NHERF1: variants seen among roughly 807,000 people sequenced by gnomAD.
NHERF1 encodes NHERF family PDZ scaffold protein 1.
chr17:74,749,011 G>C, the NHERF1 span: 10 of 1,608,928 alleles, frequency 6.2e-6, no homozygotes, highest in African/African-American at 1.2e-4. The surrounding 1 kb of genome is among the most constrained non-coding windows in gnomAD (Gnocchi z 5.6). Context: ...GGCTGCTGGC[G>C]GGGGACCGGC....
the NHERF1 span, chr17:74,762,283 C>A: frequency 3.3e-6 from 2 of 615,214 alleles, no homozygotes; most frequent in Non-Finnish European, 5.6e-6. This position sits in a 1 kb window ranked among gnomAD's most constrained non-coding sequence, Gnocchi z 4.2. Flanking sequence ...CGGGCATAGC[C>A]AACCTGGAGC....
At chr17:74,748,663 T>C in the NHERF1 span, 1 of 588,918 alleles carries the variant, frequency 1.7e-6, no homozygotes, top group Non-Finnish European at 3.0e-6. The surrounding 1 kb of genome is among the most constrained non-coding windows in gnomAD (Gnocchi z 4.3). Flanking sequence ...TCTGTGGTCC[T>C]CTCTCGGCTC....
At chr17:74,766,241 G>A in the NHERF1 span, among the ~76,000 whole-genome samples, 7 of 152,142 alleles carry the variant, frequency 4.6e-5, no homozygotes, top group African/African-American at 1.4e-4. Flanking sequence ...GTGTTGCCCA[G>A]GCTGGAGTGT....
chr17:74,759,257 C>T, the NHERF1 span, among the ~76,000 whole-genome samples: 3 of 152,230 alleles, frequency 2.0e-5, no homozygotes, highest in Non-Finnish European at 4.4e-5. Flanking sequence ...GGTCCCAGTG[C>T]AGGGGAAGGA....
chr17:74,762,139 C>T, the NHERF1 span: 1 of 1,614,160 alleles, frequency 6.2e-7, no homozygotes, highest in South Asian at 1.1e-5. This position sits in a 1 kb window ranked among gnomAD's most constrained non-coding sequence, Gnocchi z 4.2. Context: ...CCGGCTGAGG[C>T]TTCAGGGCTC....
At chr17:74,751,949 G>C in the NHERF1 span, among the ~76,000 whole-genome samples, 1 of 152,228 alleles carries the variant, frequency 6.6e-6, no homozygotes, top group Admixed American at 6.5e-5. The surrounding 1 kb of genome is among the most constrained non-coding windows in gnomAD (Gnocchi z 4.3). Flanking sequence ...ACGTAGCTCA[G>C]TGCCTGGCAC....
the NHERF1 span, chr17:74,768,253 G>A: frequency 1.3e-6 from 2 of 1,591,356 alleles, no homozygotes; most frequent in Non-Finnish European, 8.6e-7. Flanking sequence ...CAGCCATGCG[G>A]GGGGTGGCAA....
chr17:74,763,361 C>T, the NHERF1 span: 36 of 1,612,306 alleles, frequency 2.2e-5, no homozygotes, highest in Middle Eastern at 3.3e-4. Flanking sequence ...CGACCCTGCC[C>T]TGCAGGTGAA....
the NHERF1 span, among the ~76,000 whole-genome samples, chr17:74,759,717 T>C: frequency 6.1e-3 from 925 of 152,356 alleles, 9 homozygotes; most frequent in African/African-American, 0.021. Flanking sequence ...GTCTGCCCTC[T>C]GCTGCCTGAC....
At chr17:74,768,769 C>T in the NHERF1 span, 1 of 861,664 alleles carries the variant, frequency 1.2e-6, no homozygotes, top group Non-Finnish European at 1.8e-6. Flanking sequence ...CCCACATCCC[C>T]TTTCTTGACA....
chr17:74,752,771 C>T, the NHERF1 span, among the ~76,000 whole-genome samples: 53 of 152,352 alleles, frequency 3.5e-4, no homozygotes, highest in Admixed American at 2.7e-3. Flanking sequence ...TTTGTCCTTA[C>T]ATCTTTTATC....
At chr17:74,768,240 G>T in the NHERF1 span, 1 of 1,609,642 alleles carries the variant, frequency 6.2e-7, no homozygotes, top group Non-Finnish European at 8.5e-7. Context: ...CGAGGAGGTA[G>T]GCCAGCCATG....
At chr17:74,758,680 C>T in the NHERF1 span, among the ~76,000 whole-genome samples, 1 of 152,204 alleles carries the variant, frequency 6.6e-6, no homozygotes, top group East Asian at 1.9e-4. The surrounding 1 kb of genome is among the most constrained non-coding windows in gnomAD (Gnocchi z 4.3). Context: ...GCTGGCTCCT[C>T]CTAAGATCCT....
At chr17:74,758,326 T>A in the NHERF1 span, among the ~76,000 whole-genome samples, 1 of 152,152 alleles carries the variant, frequency 6.6e-6, no homozygotes, top group Non-Finnish European at 1.5e-5. This position sits in a 1 kb window ranked among gnomAD's most constrained non-coding sequence, Gnocchi z 4.3. Context: ...GGAGGAAGCC[T>A]GAGGGTGGAG....
the NHERF1 span, among the ~76,000 whole-genome samples, chr17:74,765,189 C>T: frequency 1.2e-4 from 18 of 152,210 alleles, no homozygotes; most frequent in Non-Finnish European, 1.8e-4. Flanking sequence ...GGACACACCC[C>T]TTGAGCCTTC....
the NHERF1 span, chr17:74,749,019 G>A: frequency 4.4e-6 from 7 of 1,605,036 alleles, no homozygotes; most frequent in Non-Finnish European, 5.9e-6. The surrounding 1 kb of genome is among the most constrained non-coding windows in gnomAD (Gnocchi z 5.6). Flanking sequence ...GCGGGGGACC[G>A]GCTGGTGGAG....
the NHERF1 span, among the ~76,000 whole-genome samples, chr17:74,765,014 G>A: frequency 6.6e-6 from 1 of 152,142 alleles, no homozygotes; most frequent in Non-Finnish European, 1.5e-5. Flanking sequence ...TAAGCTAAGA[G>A]TTCAGAAGAA....
chr17:74,759,641 GTGGT>G, the NHERF1 span, among the ~76,000 whole-genome samples: 57 of 152,372 alleles, frequency 3.7e-4, no homozygotes, highest in Admixed American at 5.9e-4. Flanking sequence ...GTGGTAGGTT[GTGGT>G]TTCTTCAGCT....
the NHERF1 span, among the ~76,000 whole-genome samples, chr17:74,750,037 A>G: frequency 6.6e-6 from 1 of 152,168 alleles, no homozygotes. Flanking sequence ...GGGAAGGGGA[A>G]AGACCTTGGA....
Sources: allele counts gnomAD v4.1 joint callset (sites outside exome capture counted in the v4.1 genomes callset), GRCh38; gene constraint gnomAD v4.1.1; non-coding constraint Gnocchi (gnomAD v3.1); transcripts MANE v1.5; gene names NCBI Gene and HGNC (gene_info 2026-07-23, HGNC 2026-07-21).